Variants in GLI3 observed in about 807,000 individuals in gnomAD.
GLI3 encodes the protein GLI family zinc finger 3.
In GLI3, 20 loss-of-function variants were observed where a neutral mutation model predicts 100.8. That is an observed-to-expected ratio of 0.20 (90% CI 0.14 to 0.29). GLI3 has a LOEUF of 0.29. GLI3 is among the 10% of genes least tolerant of loss of function. The pLI is 1.00. For missense variants in GLI3, 2,040 were observed against 2,128.5 expected (o/e 0.96, Z 0.82); for synonymous variants, 938 against 860.5 (o/e 1.09, Z -1.58).
At chr7:42,101,601 G>A (rs1030436155) in intron 3 of GLI3, among the ~76,000 whole-genome samples, 1 of 148,830 alleles carries the variant, frequency 6.7e-6, no homozygotes, top group African/African-American at 2.5e-5. Context: ...GCAAGACTCT[G>A]TCTCAATTTT....
intron 2 of GLI3, among the ~76,000 whole-genome samples, chr7:42,158,952 T>G (rs1478287013): frequency 6.6e-6 from 1 of 152,202 alleles, no homozygotes; most frequent in African/African-American, 2.4e-5. Flanking sequence ...CTCATTCTAC[T>G]TCTGTTGTCG....
At position 41,966,220 on chromosome 7, in the gene GLI3, C is replaced by G. The variant is rs750002436; in HGVS notation, c.2853G>C (p.Met951Ile). Residue 951 changes from methionine (M) to isoleucine (I), a missense_variant, in exon 15 of 15, where the codon ATG becomes ATC. Around this residue, in one of 5 missense-constraint regions of GLI3, gnomAD observed 1,041 missense variants for 924.0 expected, o/e 1.13. Coordinates refer to ENST00000395925, the MANE Select transcript of GLI3 (RefSeq NM_000168.6). The surrounding 1 kb of genome is among the most constrained non-coding windows in gnomAD (Gnocchi z 5.8). ...GCAGCGCCAGGCGCGTCTTCAGGCT[C>G]ATCCTCTCCATGTTGGGCAGGGGCG... is the stretch of plus-strand genomic sequence containing the variant. ...PPTPLPNMER[M>I]SLKTRLALLG... 33 of 1,608,516 alleles carry G rather than the reference C, an allele frequency of 2.1e-5. No homozygotes were observed. The highest frequency in any genetic ancestry group is 2.8e-5 in the Non-Finnish European group (33 of 1,179,004).
intron 7 of GLI3, among the ~76,000 whole-genome samples, chr7:42,038,381 C>T (rs1394793983): frequency 6.6e-6 from 1 of 152,210 alleles, no homozygotes; most frequent in Non-Finnish European, 1.5e-5. Flanking sequence ...CATTGCAGAT[C>T]CACACCAGCT....
intron 3 of GLI3, among the ~76,000 whole-genome samples, chr7:42,132,262 G>GCCACCAAGCCCA: frequency 1.3e-5 from 2 of 150,118 alleles, no homozygotes; most frequent in African/African-American, 4.9e-5. Context: ...CACTACGCCC[G>GCCACCAAGCCCA]GCTAATTTTT....
intron 1 of GLI3, among the ~76,000 whole-genome samples, chr7:42,255,573 A>G (rs1167473528): frequency 6.6e-6 from 1 of 152,208 alleles, no homozygotes; most frequent in East Asian, 1.9e-4. Flanking sequence ...ATCATATAAT[A>G]CATAGTCTTT....
chr7:42,077,528 A>T (rs1055229420), intron 3 of GLI3, among the ~76,000 whole-genome samples: 1 of 152,078 alleles, frequency 6.6e-6, no homozygotes, highest in Admixed American at 6.5e-5. Flanking sequence ...ACTCACAGAC[A>T]TCTAGAGCCA....
chr7:42,090,176 A>G (rs1484876693), intron 3 of GLI3, among the ~76,000 whole-genome samples: 1 of 152,238 alleles, frequency 6.6e-6, no homozygotes, highest in Non-Finnish European at 1.5e-5. Context: ...CTTACCATTA[A>G]TGGAGCTTGT....
At chr7:42,034,479 T>G (rs950786024) in intron 7 of GLI3, among the ~76,000 whole-genome samples, 3 of 152,142 alleles carry the variant, frequency 2.0e-5, no homozygotes, top group Non-Finnish European at 4.4e-5. Context: ...CCCTTCCTAT[T>G]GTCCTTAGAT....
chr7:42,018,382 T>C (rs1052606554), intron 10 of GLI3, among the ~76,000 whole-genome samples: 3 of 152,212 alleles, frequency 2.0e-5, no homozygotes, highest in Non-Finnish European at 2.9e-5. Context: ...TTCTGCCTCA[T>C]ATCTGAGACC....
At chr7:41,994,777 T>C (rs1241606506) in intron 10 of GLI3, among the ~76,000 whole-genome samples, 2 of 152,268 alleles carry the variant, frequency 1.3e-5, no homozygotes, top group African/African-American at 4.8e-5. Context: ...ATAAAACTTA[T>C]TTTTATAAGC....
At chr7:42,182,234 GAAT>G (rs1360800385) in intron 2 of GLI3, among the ~76,000 whole-genome samples, 1 of 152,030 alleles carries the variant, frequency 6.6e-6, no homozygotes, top group African/African-American at 2.4e-5. Context: ...GACTAGGGCT[GAAT>G]ATTTAATTTT....
intron 4 of GLI3, among the ~76,000 whole-genome samples, chr7:42,074,029 T>G (rs1037635827): frequency 6.6e-6 from 1 of 152,176 alleles, no homozygotes; most frequent in Non-Finnish European, 1.5e-5. Flanking sequence ...TGTCTACTTA[T>G]CATACCTCAG....
At position 42,218,143 on chromosome 7, in the gene GLI3, C is replaced by T. The variant is rs147725459; in HGVS notation, c.124+4987G>A. Among the ~76,000 whole-genome samples the T allele has an allele frequency of 1.1e-4, 17 of 152,226 alleles. No homozygotes were observed. In the East Asian group the frequency reaches 3.1e-3, roughly 28 times the overall value. On this transcript the variant is annotated intron_variant, in intron 2 of 14. Coordinates refer to ENST00000395925, the MANE Select transcript of GLI3 (RefSeq NM_000168.6). ...CCATTTTATCTGAACATCCTTTCCACGTATCTGTCATGTGCCAGGAAATGG... is the reference window on the plus strand; with the variant it reads ...CCATTTTATCTGAACATCCTTTCCATGTATCTGTCATGTGCCAGGAAATGG...
intron 3 of GLI3, among the ~76,000 whole-genome samples, chr7:42,139,628 G>A (rs968250218): frequency 5.9e-5 from 9 of 151,524 alleles, no homozygotes; most frequent in South Asian, 2.1e-4. Context: ...GCGGTGAGCC[G>A]AGATCACACC....
At chr7:42,202,342 TCTCTCA>T (rs1364809146) in intron 2 of GLI3, among the ~76,000 whole-genome samples, 80 of 43,038 alleles carry the variant, frequency 1.9e-3, no homozygotes, top group South Asian at 8.5e-3. Flanking sequence ...TCTCTCTCTC[TCTCTCA>T]CACACACACA....
At chr7:42,233,616 G>GC (rs1178370245) in intron 1 of GLI3, among the ~76,000 whole-genome samples, 1 of 152,044 alleles carries the variant, frequency 6.6e-6, no homozygotes, top group African/African-American at 2.4e-5. Context: ...TAAAGTCTTC[G>GC]CCAGTCTACA....
chr7:42,240,446 A>ACCCTG (rs1453690345), upstream of GLI3, among the ~76,000 whole-genome samples: 4 of 152,196 alleles, frequency 2.6e-5, no homozygotes, highest in African/African-American at 9.6e-5. Flanking sequence ...CTTGAAGTCC[A>ACCCTG]AAAGTAAGGT....
chr7:42,213,579 C>T (rs1788312913), intron 2 of GLI3, among the ~76,000 whole-genome samples: 1 of 152,146 alleles, frequency 6.6e-6, no homozygotes, highest in South Asian at 2.1e-4. Flanking sequence ...CTCCATTTTC[C>T]AAGGTCTGGG....
At chr7:42,084,445 C>T (rs1785060479) in intron 3 of GLI3, among the ~76,000 whole-genome samples, 1 of 152,214 alleles carries the variant, frequency 6.6e-6, no homozygotes, top group African/African-American at 2.4e-5. Flanking sequence ...AGATCACATC[C>T]AGTGGATGCC....
Sources: gnomAD v4.1 joint callset for allele counts (sites outside exome capture counted in the v4.1 genomes callset) on GRCh38, gnomAD v4.1.1 for gene constraint, gnomAD v4.1.1 regional missense constraint, Gnocchi (gnomAD v3.1) non-coding constraint, MANE v1.5 for transcripts, NCBI Gene and HGNC (gene_info 2026-07-23, HGNC 2026-07-21) for gene names.